The following EDIL3 variants were observed in gnomAD, a reference collection of about 807,000 sequenced individuals.
EDIL3 encodes EGF like and discoidin domains 3.
Under a neutral mutation model 67.4 loss-of-function variants are expected in EDIL3, and 37 were observed. The ratio of observed to expected loss-of-function variants is 0.55; its 90% CI spans 0.42 to 0.72. The LOEUF is 0.72. Ranked by LOEUF, EDIL3 falls within the 30% of genes least tolerant of loss-of-function variation. The pLI, the probability that EDIL3 is intolerant of heterozygous loss-of-function variation, is 0.00. For synonymous variants in EDIL3, 195 were observed against 196.3 expected, an observed-to-expected ratio of 0.99 and a Z score of 0.05; for missense variants, 527 against 586.3, an observed-to-expected ratio of 0.90 and a Z score of 1.04.
At chr5:84,023,192 A>T (rs1191286491) in intron 9 of EDIL3, among the ~76,000 whole-genome samples, 1 of 152,044 alleles carries the variant, frequency 6.6e-6, no homozygotes, top group Non-Finnish European at 1.5e-5. Flanking sequence ...AAATACATGT[A>T]TATATGGAAT....
At chr5:84,033,769 G>A (rs1350060250) in intron 9 of EDIL3, among the ~76,000 whole-genome samples, 2 of 151,820 alleles carry the variant, frequency 1.3e-5, no homozygotes, top group East Asian at 1.9e-4. Context: ...AAAGAATCTG[G>A]TGTGTTTCTG....
At chr5:84,146,333 G>A (rs1050121095) in intron 4 of EDIL3, among the ~76,000 whole-genome samples, 1 of 152,042 alleles carries the variant, frequency 6.6e-6, no homozygotes, top group South Asian at 2.1e-4. Flanking sequence ...TTAAAGCCCA[G>A]ATAATTTAAT....
At position 83,942,185 on chromosome 5, in the gene EDIL3, C is replaced by A. The variant is rs1744234970; in HGVS notation, c.*1234G>T. On this transcript the variant is annotated 3_prime_UTR_variant, in exon 11 of 11. Coordinates refer to ENST00000296591, the MANE Select transcript of EDIL3 (RefSeq NM_005711.5). ...TCAATGAAACCTCCAGTATCAATAA[C>A]AAATTGTTATGATAATTGCTTATTT... 1 of 151,932 alleles carries A rather than the reference C, an allele frequency of 6.6e-6. No homozygotes were observed. Among genetic ancestry groups the A allele is most frequent in the African/African-American group, 2.4e-5 (1 of 41,396 alleles). 9.4% of individuals were successfully genotyped at this position (151,932 alleles called of 1,614,324 possible). A position where few individuals can be genotyped will look rare whatever the true frequency, so the allele number is the denominator to read the frequency against.
At chr5:84,302,481 A>G (rs1746181065) in intron 1 of EDIL3, among the ~76,000 whole-genome samples, 1 of 152,092 alleles carries the variant, frequency 6.6e-6, no homozygotes, top group Non-Finnish European at 1.5e-5. Flanking sequence ...TATTTTTAGT[A>G]AAGACGGGGT....
At chr5:84,276,742 T>A (rs2112102429) in intron 1 of EDIL3, among the ~76,000 whole-genome samples, 1 of 152,122 alleles carries the variant, frequency 6.6e-6, no homozygotes, top group African/African-American at 2.4e-5. Context: ...CTAAATTTTT[T>A]TTTTTATTTT....
chr5:84,384,155 C>A (rs1367199657), intron 1 of EDIL3, among the ~76,000 whole-genome samples, 153 bp downstream of exon 1: 1 of 152,148 alleles, frequency 6.6e-6, no homozygotes, highest in African/African-American at 2.4e-5. Flanking sequence ...AGCACTTTCT[C>A]GGGGCACCCA....
chr5:83,947,435 C>A (rs1335078543), intron 10 of EDIL3, among the ~76,000 whole-genome samples: 1 of 150,144 alleles, frequency 6.7e-6, no homozygotes, highest in Non-Finnish European at 1.5e-5. Flanking sequence ...GCTCAGAATT[C>A]TTTATTTAAC....
intron 4 of EDIL3, among the ~76,000 whole-genome samples, chr5:84,176,209 A>T (rs1232812212): frequency 5.3e-5 from 2 of 37,470 alleles, no homozygotes; most frequent in African/African-American, 7.7e-5. Flanking sequence ...ATATATATAT[A>T]TATATATATA....
chr5:84,353,740 A>T (rs374560084), intron 1 of EDIL3, among the ~76,000 whole-genome samples: 2 of 152,342 alleles, frequency 1.3e-5, no homozygotes, highest in East Asian at 3.9e-4. Context: ...TTTGAAAAAC[A>T]GTATTATAGA....
At chr5:84,350,395 G>A (rs1045146041) in intron 1 of EDIL3, among the ~76,000 whole-genome samples, 8 of 151,718 alleles carry the variant, frequency 5.3e-5, no homozygotes, top group Non-Finnish European at 1.0e-4. Context: ...ATATCTAGTA[G>A]TCACTTTAGA....
intron 6 of EDIL3, among the ~76,000 whole-genome samples, chr5:84,086,762 A>G (rs1029049745): frequency 6.6e-6 from 1 of 152,072 alleles, no homozygotes; most frequent in Admixed American, 6.6e-5. Flanking sequence ...AACCCAAACT[A>G]ACTATGTCTT....
chr5:84,296,861 C>T (rs1424408048), intron 1 of EDIL3, among the ~76,000 whole-genome samples: 2 of 152,104 alleles, frequency 1.3e-5, no homozygotes, highest in Non-Finnish European at 2.9e-5. Flanking sequence ...CCAGAATCTA[C>T]AAGGAACTTA....
chr5:84,138,483 A>G (rs1486424643), intron 4 of EDIL3, among the ~76,000 whole-genome samples: 2 of 152,204 alleles, frequency 1.3e-5, no homozygotes, highest in Non-Finnish European at 2.9e-5. Context: ...TCATGTGCAC[A>G]ATCTTAAAAC....
intron 1 of EDIL3, among the ~76,000 whole-genome samples, chr5:84,266,242 T>C (rs760345300): frequency 4.6e-5 from 7 of 152,182 alleles, no homozygotes; most frequent in Non-Finnish European, 7.4e-5. Flanking sequence ...TCACACAACA[T>C]GACCACTTAG....
chr5:84,200,776 T>C (rs1278691388), intron 3 of EDIL3, among the ~76,000 whole-genome samples: 1 of 152,066 alleles, frequency 6.6e-6, no homozygotes, highest in Admixed American at 6.6e-5. Context: ...TAGACATCGA[T>C]AGTAAGTAAA....
chr5:84,282,673 G>A (rs888351793), intron 1 of EDIL3, among the ~76,000 whole-genome samples: 7 of 152,100 alleles, frequency 4.6e-5, no homozygotes, highest in African/African-American at 1.7e-4. Flanking sequence ...TTCTCAAATT[G>A]TTTTTCAAGC....
rs1392306740 is a variant in EDIL3, at chr5:83,942,816, T to A, written c.*603A>T. On this transcript the variant is annotated 3_prime_UTR_variant, in exon 11 of 11. Transcript: ENST00000296591. ...CAATATTAAGAATGTAGAATAGAAC[T>A]AAAAGAAAAAGAAGTCACATAATCT... The A allele has an allele frequency of 6.6e-6, 1 of 152,352 alleles. No individual in the cohort carries two copies. The highest frequency in any genetic ancestry group is 1.5e-5 in the Non-Finnish European group (1 of 68,094). The allele number at this position is 152,352 out of a possible 1,614,324, so 9.4% of individuals were successfully genotyped here. A position where few individuals can be genotyped will look rare whatever the true frequency, so the allele number is the denominator to read the frequency against.
chr5:83,974,933 T>C (rs976048882), intron 9 of EDIL3, among the ~76,000 whole-genome samples: 2 of 151,998 alleles, frequency 1.3e-5, no homozygotes. Flanking sequence ...TTCCTTAATA[T>C]AGTTACCAAG....
At chr5:83,965,699 T>A (rs1297835383) in intron 9 of EDIL3, among the ~76,000 whole-genome samples, 1 of 152,040 alleles carries the variant, frequency 6.6e-6, no homozygotes, top group Non-Finnish European at 1.5e-5. Context: ...CTCCCCAAGT[T>A]GTGTGTCTTG....
Sources: allele counts gnomAD v4.1 joint callset (sites outside exome capture counted in the v4.1 genomes callset), GRCh38; gene constraint gnomAD v4.1.1; transcripts MANE v1.5; gene names NCBI Gene and HGNC (gene_info 2026-07-23, HGNC 2026-07-21).